Variants in RPAP1 observed in about 807,000 individuals in gnomAD.
RPAP1 encodes the protein RNA polymerase II associated protein 1, also known as RNA polymerase II-associated protein 1.
RPAP1 carries 109 observed loss-of-function variants against 142.4 expected under a neutral mutation model. The ratio of observed to expected loss-of-function variants is 0.77; its 90% CI spans 0.66 to 0.90. The LOEUF is 0.90. Among genes scored for constraint, RPAP1 ranks in the 40% least tolerant of loss-of-function variants. The probability of loss-of-function intolerance (pLI) is 0.00; values close to 1 mark genes in which losing one functional copy is unlikely to be tolerated. For synonymous variants in RPAP1, 704 were observed against 738.9 expected (o/e 0.95, Z 0.77); for missense variants, 1,546 against 1,751.7 (o/e 0.88, Z 2.10).
chr15:41,541,853 A>C (rs2051975689), intron 1 of RPAP1, among the ~76,000 whole-genome samples: 1 of 152,162 alleles, frequency 6.6e-6, no homozygotes, highest in African/African-American at 2.4e-5. Context: ...TGTCTCAAAA[A>C]AAAAGTGCTG....
intron 1 of RPAP1, among the ~76,000 whole-genome samples, chr15:41,539,178 G>A (rs1200352): frequency 0.39 from 58,575 of 151,814 alleles, 11,553 homozygotes; most frequent in East Asian, 0.49. Flanking sequence ...GCGTGATCTT[G>A]GCTCACTGCA....
At chr15:41,542,928 C>G (rs114229406) in intron 1 of RPAP1, among the ~76,000 whole-genome samples, 1,914 of 151,944 alleles carry the variant, frequency 0.013, 51 homozygotes, top group African/African-American at 0.044. Flanking sequence ...CTAAGGAAGG[C>G]TGAACTAGAT....
intron 6 of RPAP1, among the ~76,000 whole-genome samples, chr15:41,531,434 C>T (rs2051846479): frequency 6.6e-6 from 1 of 151,872 alleles, no homozygotes; most frequent in South Asian, 2.1e-4. Flanking sequence ...TCCCTCTATC[C>T]CTCACAGTCC....
intron 8 of RPAP1, 27 bp downstream of exon 8, chr15:41,529,837 C>T (rs775239151): frequency 2.0e-6 from 3 of 1,537,080 alleles, no homozygotes; most frequent in East Asian, 4.5e-5. Context: ...CTCACCCACC[C>T]CTTGTAGGCC....
At chr15:41,543,401 C>A (rs551375561) in intron 1 of RPAP1, among the ~76,000 whole-genome samples, 1 of 151,660 alleles carries the variant, frequency 6.6e-6, no homozygotes, top group South Asian at 2.1e-4. Context: ...TTAGTACAGA[C>A]GGGGTTTCAC....
At chr15:41,540,193 T>G (rs1229728683) in intron 1 of RPAP1, among the ~76,000 whole-genome samples, 1 of 152,220 alleles carries the variant, frequency 6.6e-6, no homozygotes, top group Non-Finnish European at 1.5e-5. Context: ...AAAATATTGT[T>G]ATATCTAACA....
intron 1 of RPAP1, among the ~76,000 whole-genome samples, chr15:41,543,632 T>C (rs1363877720): frequency 6.6e-6 from 1 of 152,194 alleles, no homozygotes; most frequent in Non-Finnish European, 1.5e-5. Flanking sequence ...CCAGTGCCTG[T>C]TACTTATATA....
intron 22 of RPAP1, among the ~76,000 whole-genome samples, chr15:41,519,005 C>G (rs1013807319): frequency 6.6e-6 from 1 of 152,104 alleles, no homozygotes; most frequent in Non-Finnish European, 1.5e-5. Flanking sequence ...ATCCTCCTGC[C>G]TCAGGCTCCT....
At chr15:41,535,946 A>G (rs1196695698) in intron 4 of RPAP1, among the ~76,000 whole-genome samples, 183 bp downstream of exon 4, 1 of 152,196 alleles carries the variant, frequency 6.6e-6, no homozygotes, top group Non-Finnish European at 1.5e-5. Flanking sequence ...AGGTATCATC[A>G]TGATACCTGC....
At chr15:41,529,709 G>A (rs986143347) in intron 8 of RPAP1, 141 bp from the exon 9 acceptor site, 13 of 844,942 alleles carry the variant, frequency 1.5e-5, no homozygotes, top group Non-Finnish European at 2.3e-5. Flanking sequence ...TGGCCTTGGG[G>A]GCCAGGCAGA....
intron 7 of RPAP1, among the ~76,000 whole-genome samples, 177 bp downstream of exon 7, chr15:41,530,846 T>C (rs942479732): frequency 3.3e-5 from 5 of 152,168 alleles, no homozygotes; most frequent in African/African-American, 4.8e-5. Flanking sequence ...ACAGGAAGCA[T>C]GTGCAGGAAG....
chr15:41,527,673 G>C, intron 11 of RPAP1, 68 bp from the exon 12 acceptor site: 1 of 1,512,124 alleles, frequency 6.6e-7, no homozygotes, highest in Non-Finnish European at 8.9e-7. Context: ...GAGTAGAGAG[G>C]ATGCTCCCCA....
chr15:41,537,353 T>C (rs1370720500), intron 1 of RPAP1, among the ~76,000 whole-genome samples, 152 bp from the exon 2 acceptor site: 2 of 152,154 alleles, frequency 1.3e-5, no homozygotes, highest in Non-Finnish European at 2.9e-5. Context: ...CAGCCCTCCC[T>C]GATGTCATCA....
intron 21 of RPAP1, 29 bp downstream of exon 21, chr15:41,521,709 T>G: frequency 6.2e-7 from 1 of 1,612,240 alleles, no homozygotes; most frequent in Non-Finnish European, 8.5e-7. Context: ...CCAAAAGGGC[T>G]GAGTTGATGC....
rs777913852 is a variant in RPAP1, at chr15:41,529,819, T to C, written c.1059+45A>G. 5.7e-6 allele frequency: 8 copies of C among 1,406,072 alleles called. No homozygotes were observed. The Middle Eastern group carries it at 1.5e-3, about 263-fold the overall frequency. 87.1% of individuals were successfully genotyped at this position (1,406,072 alleles called of 1,614,324 possible). On this transcript the variant is annotated intron_variant, in intron 8 of 24. Transcript: ENST00000304330. ...AGGGCAAGAGCAGCAGCTCCTCTCC[T>C]GCCCTATCTCACCCACCCCTTGTAG...
At chr15:41,524,058 G>C in intron 16 of RPAP1, 38 bp downstream of exon 16, 1 of 1,597,816 alleles carries the variant, frequency 6.3e-7, no homozygotes, top group South Asian at 1.1e-5. Flanking sequence ...CTGTGGAGGA[G>C]CCCTCCACCT....
chr15:41,536,968 T>A lies in RPAP1; in HGVS notation c.158A>T (p.His53Leu). ...ANSDRPPLQD[H>L]RDVVMLDNLP... ...ACTGTCCAACATCACCACATCCCGA[T>A]GGTCCTGGAGCGGAGGCCGGTCTGA... is the stretch of plus-strand genomic sequence containing the variant. The change falls in exon 2 of 25, where the codon CAT becomes CTT. Residue 53 changes from histidine (H) to leucine (L), a missense_variant. This residue lies in a region of RPAP1 where 1,333 missense variants were observed against 1,486.6 expected (regional missense o/e 0.90). Transcript: ENST00000304330. 6.2e-7 allele frequency: 1 copy of A among 1,614,090 alleles called. No individual in the cohort carries two copies. The highest frequency in any genetic ancestry group is 1.1e-5 in the South Asian group (1 of 91,082).
Position 41,521,875 on chromosome 15 carries a change from C to A in RPAP1, c.2901G>T (p.Ala967=). ...LALALAQKAA[A]LQPLPATHAA... ...CATGGGTGGCTGGCAGTGGCTGCAG[C>A]GCTGCCTGCAGACAGAAAAGCAGGG... Residue 967 remains alanine, a synonymous_variant, in exon 21 of 25, where the codon GCG becomes GCT. Transcript: ENST00000304330. 1 of 1,613,540 alleles carries A rather than the reference C, an allele frequency of 6.2e-7. No individual in the cohort carries two copies. Among genetic ancestry groups the A allele is most frequent in the Non-Finnish European group, 8.5e-7 (1 of 1,179,802 alleles).
Position 41,529,907 on chromosome 15 carries a change from C to T in RPAP1, c.1016G>A (p.Trp339Ter), listed in dbSNP as rs1188963081. The T allele has an allele frequency of 6.2e-7, 1 of 1,613,600 alleles. No homozygotes were observed. ...CCGGACAGGGGGCAAGTCCTGGGTC[C>T]AGTGGAGCTTCTCCAGCTCGACAGT... is the stretch of plus-strand genomic sequence containing the variant. ...MDTVELEKLH[W>*]TQDLPPVRRQ... The change falls in exon 8 of 25, where the codon TGG (tryptophan) becomes TAG (stop). Residue 339 changes from tryptophan to a stop codon, truncating the protein, a stop_gained. Transcript: ENST00000304330. LOFTEE classifies it high-confidence loss of function.
Sources: gnomAD v4.1 joint callset for allele counts (sites outside exome capture counted in the v4.1 genomes callset) on GRCh38, gnomAD v4.1.1 for gene constraint, gnomAD v4.1.1 regional missense constraint, MANE v1.5 for transcripts, NCBI Gene and HGNC (gene_info 2026-07-23, HGNC 2026-07-21) for gene names.